CEP89: variants seen among roughly 807,000 people sequenced by gnomAD.
The protein encoded by CEP89 is centrosomal protein 89.
CEP89 carries 95 observed loss-of-function variants against 97.6 expected under a neutral mutation model. The ratio of observed to expected loss-of-function variants is 0.97; its 90% CI spans 0.82 to 1.15. The LOEUF (loss-of-function observed/expected upper bound fraction) is 1.15, where lower values mean the gene tolerates loss of function less well. CEP89 is among the 50% of genes most tolerant of loss of function. The probability of loss-of-function intolerance (pLI) is 0.00; values close to 1 mark genes in which losing one functional copy is unlikely to be tolerated. For synonymous variants in CEP89, 354 were observed against 349.1 expected (o/e 1.01, Z -0.16); for missense variants, 869 against 947.7 (o/e 0.92, Z 1.09).
At chr19:32,947,007 A>T (rs2060325231) in intron 5 of CEP89, among the ~76,000 whole-genome samples, 1 of 152,184 alleles carries the variant, frequency 6.6e-6, no homozygotes, top group African/African-American at 2.4e-5. Context: ...TCTAATATTT[A>T]AAAAATACGC....
At chr19:32,927,834 G>A (rs1215129678) in intron 9 of CEP89, among the ~76,000 whole-genome samples, 1 of 148,714 alleles carries the variant, frequency 6.7e-6, no homozygotes, top group African/African-American at 2.5e-5. Context: ...TGAACTCCTG[G>A]CCTGAAGTGA....
At position 32,933,010 on chromosome 19, in the gene CEP89, G is replaced by T. The variant is rs146802465; in HGVS notation, c.886+441C>A. On this transcript the variant is annotated intron_variant, in intron 8 of 18. Transcript: ENST00000305768. Reference sequence around the variant, plus strand: ...AAAGAAAAAGAAAATGACTTGCAAAGATATGAAAAAATATTCAAGTTCAAT... The same window carrying T: ...AAAGAAAAAGAAAATGACTTGCAAATATATGAAAAAATATTCAAGTTCAAT... 4.2e-3 allele frequency among the ~76,000 whole-genome samples: 641 copies of T among 152,088 alleles called. 6 individuals are homozygous for T. Among genetic ancestry groups the T allele is most frequent in the African/African-American group, 0.014 (600 of 41,508 alleles).
intron 4 of CEP89, among the ~76,000 whole-genome samples, chr19:32,951,066 G>A (rs1156808718): frequency 6.6e-6 from 1 of 152,102 alleles, no homozygotes; most frequent in Non-Finnish European, 1.5e-5. Flanking sequence ...TTTAATCTGA[G>A]TGGTGGCTAC....
At chr19:32,930,069 A>G (rs1970440580) in intron 9 of CEP89, among the ~76,000 whole-genome samples, 2 of 138,096 alleles carry the variant, frequency 1.4e-5, no homozygotes, top group African/African-American at 5.6e-5. Context: ...TCTGTCACCC[A>G]GGCTGGAGTG....
At chr19:32,885,154 C>T (rs528379070) in intron 17 of CEP89, among the ~76,000 whole-genome samples, 1 of 152,312 alleles carries the variant, frequency 6.6e-6, no homozygotes, top group East Asian at 1.9e-4. Context: ...ACCTTCCTTC[C>T]CCCTTTGCCC....
At chr19:32,913,040 C>CAAAAAAAATT (rs1780881924) in intron 14 of CEP89, among the ~76,000 whole-genome samples, 1 of 139,318 alleles carries the variant, frequency 7.2e-6, no homozygotes, top group Admixed American at 7.4e-5. Context: ...GACTCCGTCT[C>CAAAAAAAATT]AAAAAAAATT....
chr19:32,946,202 A>G (rs1970794183), intron 5 of CEP89, among the ~76,000 whole-genome samples: 1 of 152,158 alleles, frequency 6.6e-6, no homozygotes, highest in Non-Finnish European at 1.5e-5. Context: ...CCTGGGCTCA[A>G]GTGATCCTCC....
At chr19:32,965,996 CA>C (rs1971274895) in intron 2 of CEP89, 1 of 154,178 alleles carries the variant, frequency 6.5e-6, no homozygotes, top group African/African-American at 2.4e-5. Flanking sequence ...CCAGCCTGGG[CA>C]ACAGAACAAG....
intron 14 of CEP89, among the ~76,000 whole-genome samples, chr19:32,908,069 C>A (rs1417348854): frequency 6.6e-6 from 1 of 152,192 alleles, no homozygotes; most frequent in Non-Finnish European, 1.5e-5. Flanking sequence ...GGAGGCTATG[C>A]CATGTGGCTT....
intron 5 of CEP89, among the ~76,000 whole-genome samples, chr19:32,942,905 A>G (rs796822106): frequency 8.5e-4 from 126 of 148,064 alleles, no homozygotes; most frequent in African/African-American, 3.0e-3. Flanking sequence ...GCTGAAGTGC[A>G]GTGGTGGAAA....
intron 3 of CEP89, among the ~76,000 whole-genome samples, chr19:32,958,015 C>CCCG (rs59917548): frequency 0.22 from 32,923 of 148,356 alleles, 3,994 homozygotes; most frequent in Admixed American, 0.33. Context: ...CAAAAAAATC[C>CCCG]CCCCCCCGCC....
chr19:32,961,493 G>A (rs1971166176), intron 2 of CEP89, among the ~76,000 whole-genome samples: 2 of 150,998 alleles, frequency 1.3e-5, no homozygotes, highest in Non-Finnish European at 3.0e-5. Context: ...GCAGGAGAAT[G>A]GCGTGAACCT....
intron 6 of CEP89, among the ~76,000 whole-genome samples, chr19:32,939,309 T>G (rs908637063): frequency 6.6e-6 from 1 of 152,166 alleles, no homozygotes; most frequent in Non-Finnish European, 1.5e-5. Flanking sequence ...ATTTTAATTA[T>G]AAAGTAGTTT....
chr19:32,921,545 A>T (rs1970250896), intron 12 of CEP89, among the ~76,000 whole-genome samples: 1 of 152,240 alleles, frequency 6.6e-6, no homozygotes, highest in Non-Finnish European at 1.5e-5. Flanking sequence ...GGGGCTGTGG[A>T]TTTGAAAGCA....
At chr19:32,910,314 GGAGA>G (rs146865758) in intron 14 of CEP89, among the ~76,000 whole-genome samples, 5 of 117,796 alleles carry the variant, frequency 4.2e-5, no homozygotes, top group Non-Finnish European at 7.3e-5. Flanking sequence ...AGGGAGGGAG[GGAGA>G]GAGAGAGAGA....
chr19:32,948,972 C>T (rs1970856241), intron 4 of CEP89, among the ~76,000 whole-genome samples: 1 of 152,152 alleles, frequency 6.6e-6, no homozygotes, highest in Non-Finnish European at 1.5e-5. Flanking sequence ...ATGCGATCCT[C>T]CTGCTTCAGC....
Position 32,948,730 on chromosome 19 carries a change from C to A in CEP89, c.493-362G>T, listed in dbSNP as rs535607281. Among the ~76,000 whole-genome samples the A allele has an allele frequency of 5.9e-5, 9 of 152,086 alleles. No individual in the cohort carries two copies. The South Asian group carries it at 1.7e-3, about 28-fold the overall frequency. ...TGACACCATGTTACTAGTTTCCCCC[C>A]ACCCCTTTTTTTTGAGACAGGGTCT... On this transcript the variant is annotated intron_variant, in intron 4 of 18. Coordinates refer to ENST00000305768, the MANE Select transcript of CEP89 (RefSeq NM_032816.5).
In CEP89 at chr19:32,938,582, T is replaced by C. The variant is rs560951442; in HGVS notation, c.625-909A>G. ...ACTCTGCAGAGAAATGTTTAATTTTTAAGTTCCTATGACATCGCACAATGA... is the reference window on the plus strand; with the variant it reads ...ACTCTGCAGAGAAATGTTTAATTTTCAAGTTCCTATGACATCGCACAATGA... On this transcript the variant is annotated intron_variant, in intron 6 of 18. Coordinates refer to ENST00000305768, the MANE Select transcript of CEP89 (RefSeq NM_032816.5). Among the ~76,000 whole-genome samples the C allele has an allele frequency of 6.0e-4, 92 of 152,364 alleles. 3 individuals are homozygous for C. In the South Asian group the frequency reaches 0.017, roughly 28 times the overall value.
rs1277125255 is a variant in CEP89, at chr19:32,923,317, G to GA, written c.1268+121dup. The stretch of plus-strand genomic sequence containing the variant: ...TTTATTGTACCTTATTAATTTCTTA[G>GA]AAACTCTCCCGTAAAATATTTTAGT... On this transcript the variant is annotated intron_variant, in intron 12 of 18. Coordinates refer to ENST00000305768, the MANE Select transcript of CEP89 (RefSeq NM_032816.5). 5.1e-5 allele frequency: 27 copies of GA among 525,106 alleles called. No individual in the cohort carries two copies. In the South Asian group the frequency reaches 6.4e-4, roughly 12 times the overall value. The allele number at this position is 525,106 out of a possible 1,614,324, so 32.5% of individuals were successfully genotyped here.
Sources: gnomAD v4.1 joint callset for allele counts (sites outside exome capture counted in the v4.1 genomes callset) on GRCh38, gnomAD v4.1.1 for gene constraint, MANE v1.5 for transcripts, NCBI Gene and HGNC (gene_info 2026-07-23, HGNC 2026-07-21) for gene names.